The following OTUD7A variants were observed in gnomAD, a reference collection of about 807,000 sequenced individuals.
OTUD7A encodes OTU domain-containing protein 7A.
Under a neutral mutation model 65.7 loss-of-function variants are expected in OTUD7A, and 12 were observed. That is an observed-to-expected ratio of 0.18 (90% CI 0.12 to 0.30). The LOEUF is 0.30. Ranked by LOEUF, OTUD7A falls within the 10% of genes least tolerant of loss-of-function variation. The pLI is 1.00. For synonymous variants in OTUD7A, 641 were observed against 586.3 expected, an observed-to-expected ratio of 1.09 and a Z score of -1.35; for missense variants, 1,148 against 1,304.8, an observed-to-expected ratio of 0.88 and a Z score of 1.85.
chr15:31,783,949 C>T (rs2140929395), intron 1 of OTUD7A, among the ~76,000 whole-genome samples: 1 of 152,316 alleles, frequency 6.6e-6, no homozygotes. Flanking sequence ...GTATCTACTA[C>T]TGTGAATCTG....
In OTUD7A at chr15:31,789,706, C is replaced by CT. The variant is rs11354353; in HGVS notation, c.-100+80800dup. Among the ~76,000 whole-genome samples, 534 of 105,864 alleles carry CT rather than the reference C, an allele frequency of 5.0e-3. 8 individuals carry two copies. The highest frequency in any genetic ancestry group is 0.016 in the African/African-American group (503 of 30,630). 69.5% of individuals were successfully genotyped at this position (105,864 alleles called of 152,430 possible). Reference sequence around the variant, plus strand: ...AGAACTGTGGAAATCCAATGCTGCCCTTTTTTTTTTTTTTTTTTTGAGACC... The same window carrying CT: ...AGAACTGTGGAAATCCAATGCTGCCCTTTTTTTTTTTTTTTTTTTTGAGACC... On this transcript the variant is annotated intron_variant, in intron 1 of 12. Transcript: ENST00000307050.
At chr15:31,619,355 T>C (rs1229367011) in intron 3 of OTUD7A, among the ~76,000 whole-genome samples, 4 of 152,204 alleles carry the variant, frequency 2.6e-5, no homozygotes, top group Non-Finnish European at 4.4e-5. Flanking sequence ...AATCTATAAA[T>C]TACCTTGGGC....
intron 4 of OTUD7A, among the ~76,000 whole-genome samples, chr15:31,560,129 C>T (rs1409104264): frequency 6.6e-6 from 1 of 152,204 alleles, no homozygotes. Flanking sequence ...CAAGGGAGAC[C>T]GCTCTTTGTC....
chr15:31,517,309 G>C (rs1290152164), intron 8 of OTUD7A, among the ~76,000 whole-genome samples: 1 of 152,194 alleles, frequency 6.6e-6, no homozygotes, highest in Admixed American at 6.5e-5. Context: ...TATCTGGGAC[G>C]AGAGTTTGGA....
At chr15:31,664,510 A>C (rs1378857252) in intron 1 of OTUD7A, among the ~76,000 whole-genome samples, 1 of 142,096 alleles carries the variant, frequency 7.0e-6, no homozygotes, top group Non-Finnish European at 1.5e-5. Flanking sequence ...TTTTGATGGG[A>C]TTTTTTTTTC....
intron 1 of OTUD7A, among the ~76,000 whole-genome samples, chr15:31,749,125 G>C (rs150968701): frequency 7.0e-6 from 1 of 142,228 alleles, no homozygotes; most frequent in Non-Finnish European, 1.5e-5. Flanking sequence ...ACATCACACC[G>C]GGGCCTGTTG....
chr15:31,576,847 C>G (rs142647905), intron 3 of OTUD7A, among the ~76,000 whole-genome samples: 98 of 152,298 alleles, frequency 6.4e-4, no homozygotes, highest in African/African-American at 2.2e-3. Flanking sequence ...CAAATGAACC[C>G]TCTCTGGGCC....
chr15:31,687,751 C>T (rs1892871828), intron 1 of OTUD7A, among the ~76,000 whole-genome samples: 1 of 152,164 alleles, frequency 6.6e-6, no homozygotes, highest in Non-Finnish European at 1.5e-5. Flanking sequence ...ACATGAAGGA[C>T]TATGTGACAA....
At chr15:31,676,488 G>A (rs1849121107) in intron 1 of OTUD7A, among the ~76,000 whole-genome samples, 1 of 152,230 alleles carries the variant, frequency 6.6e-6, no homozygotes, top group African/African-American at 2.4e-5. Flanking sequence ...AAATCTGCTA[G>A]GCTACTTTTG....
At chr15:31,747,078 T>C (rs1206506499) in intron 1 of OTUD7A, among the ~76,000 whole-genome samples, 1 of 152,204 alleles carries the variant, frequency 6.6e-6, no homozygotes, top group Non-Finnish European at 1.5e-5. Flanking sequence ...TCTTTAGTAT[T>C]TGATGGCAAT....
chr15:31,722,631 G>A (rs1392630458), intron 1 of OTUD7A, among the ~76,000 whole-genome samples: 2 of 152,220 alleles, frequency 1.3e-5, no homozygotes, highest in Non-Finnish European at 2.9e-5. Flanking sequence ...ATGCAGGCAG[G>A]ACCACTGCGG....
chr15:31,622,832 G>C (rs1890834406), intron 3 of OTUD7A, among the ~76,000 whole-genome samples: 2 of 151,106 alleles, frequency 1.3e-5, no homozygotes, highest in South Asian at 4.2e-4. Flanking sequence ...TGGAGGAGGA[G>C]AGGCACTCTG....
intron 3 of OTUD7A, among the ~76,000 whole-genome samples, chr15:31,577,661 G>A (rs1043080372): frequency 1.6e-4 from 25 of 151,956 alleles, no homozygotes; most frequent in African/African-American, 5.1e-4. Flanking sequence ...ATGGTCATTC[G>A]TACTGGCTCA....
At chr15:31,775,708 A>G (rs1895360553) in intron 1 of OTUD7A, among the ~76,000 whole-genome samples, 1 of 152,186 alleles carries the variant, frequency 6.6e-6, no homozygotes, top group Non-Finnish European at 1.5e-5. Context: ...TTTAAGGGGA[A>G]AAGATTTGCT....
chr15:31,587,461 C>T (rs931820784), intron 3 of OTUD7A, among the ~76,000 whole-genome samples: 1 of 151,858 alleles, frequency 6.6e-6, no homozygotes, highest in African/African-American at 2.4e-5. Context: ...GATGGTGAAA[C>T]CCCGTCTCTA....
intron 1 of OTUD7A, among the ~76,000 whole-genome samples, chr15:31,842,757 C>T (rs1442029645): frequency 2.6e-5 from 4 of 152,152 alleles, no homozygotes; most frequent in Non-Finnish European, 4.4e-5. Context: ...TAAATCACAT[C>T]GCTGCCTCCC....
At chr15:31,695,075 G>C (rs942240828) in intron 1 of OTUD7A, among the ~76,000 whole-genome samples, 37 of 152,108 alleles carry the variant, frequency 2.4e-4, no homozygotes, top group African/African-American at 8.9e-4. Context: ...TCGATCCCCT[G>C]ACCTTGCGAT....
At chr15:31,844,665 G>C (rs991380475) in intron 1 of OTUD7A, among the ~76,000 whole-genome samples, 2 of 152,190 alleles carry the variant, frequency 1.3e-5, no homozygotes, top group African/African-American at 4.8e-5. Context: ...TCCATAGCCA[G>C]TAACGTGTCC....
At chr15:31,660,508 A>G (rs906728271) in intron 1 of OTUD7A, among the ~76,000 whole-genome samples, 4 of 152,258 alleles carry the variant, frequency 2.6e-5, no homozygotes, top group African/African-American at 9.6e-5. Context: ...CCAAACATTC[A>G]TATGCGTAGA....
Sources: gnomAD v4.1 joint callset for allele counts (sites outside exome capture counted in the v4.1 genomes callset) on GRCh38, gnomAD v4.1.1 for gene constraint, MANE v1.5 for transcripts, NCBI Gene and HGNC (gene_info 2026-07-23, HGNC 2026-07-21) for gene names.